SLC1A3: variants seen among roughly 807,000 people sequenced by gnomAD.
The protein encoded by SLC1A3 is excitatory amino acid transporter 1.
A neutral mutation model predicts 48.1 loss-of-function variants in SLC1A3; 21 were observed. The observed-to-expected ratio is 0.44, with a 90% confidence interval of 0.31 to 0.63. The LOEUF is 0.63. Among genes scored for constraint, SLC1A3 ranks in the 20% least tolerant of loss-of-function variants. The probability of loss-of-function intolerance (pLI) is 0.08; values close to 1 mark genes in which losing one functional copy is unlikely to be tolerated. For synonymous variants in SLC1A3, 239 were observed against 251.4 expected, an observed-to-expected ratio of 0.95 and a Z score of 0.47; for missense variants, 546 against 689.0, an observed-to-expected ratio of 0.79 and a Z score of 2.32.
intron 3 of SLC1A3, chr5:36,669,107 G>A (rs1466514826): frequency 2.0e-5 from 3 of 152,320 alleles, no homozygotes; most frequent in South Asian, 2.1e-4. Context: ...GGCGTATTGT[G>A]CTTACACTAC....
At chr5:36,676,451 A>G (rs531891471) in intron 5 of SLC1A3, among the ~76,000 whole-genome samples, 112 of 152,340 alleles carry the variant, frequency 7.4e-4, no homozygotes, top group African/African-American at 2.5e-3. Flanking sequence ...TGATTTATCT[A>G]TTATACCATA....
At chr5:36,632,945 C>G (rs1035179434) in intron 3 of SLC1A3, among the ~76,000 whole-genome samples, 1 of 152,276 alleles carries the variant, frequency 6.6e-6, no homozygotes, top group South Asian at 2.1e-4. Flanking sequence ...CAGAAAGAAG[C>G]TGGGAGGAAG....
chr5:36,684,063 C>T (rs987124711), intron 9 of SLC1A3, 65 bp downstream of exon 9: 4 of 1,594,932 alleles, frequency 2.5e-6, no homozygotes, highest in Non-Finnish European at 3.4e-6. Flanking sequence ...CTCTAGGGCA[C>T]CAGGCAGCCT....
chr5:36,644,063 A>T (rs1740740046), intron 3 of SLC1A3, among the ~76,000 whole-genome samples: 1 of 151,288 alleles, frequency 6.6e-6, no homozygotes. Context: ...ATAAATTGCA[A>T]TGTGAATAAT....
At chr5:36,632,817 C>T (rs1252887676) in intron 3 of SLC1A3, among the ~76,000 whole-genome samples, 2 of 152,172 alleles carry the variant, frequency 1.3e-5, no homozygotes, top group Non-Finnish European at 2.9e-5. Context: ...TTACTTGAAA[C>T]ATCCGTGTTT....
At chr5:36,647,375 A>T (rs1251849903) in intron 3 of SLC1A3, among the ~76,000 whole-genome samples, 1 of 152,258 alleles carries the variant, frequency 6.6e-6, no homozygotes, top group Non-Finnish European at 1.5e-5. Context: ...AGGCAAAATT[A>T]TCTGCCATGA....
intron 2 of SLC1A3, among the ~76,000 whole-genome samples, chr5:36,622,508 T>C (rs559037078): frequency 4.6e-5 from 7 of 152,298 alleles, no homozygotes; most frequent in African/African-American, 1.2e-4. Flanking sequence ...CCTCATTCTT[T>C]TACTCTTAAA....
chr5:36,669,701 A>G (rs1741906471), intron 3 of SLC1A3: 1 of 152,214 alleles, frequency 6.6e-6, no homozygotes, highest in Admixed American at 6.5e-5. Context: ...TCATGGCTTC[A>G]ATTTCCACTT....
At chr5:36,618,014 G>A (rs1448544135) in intron 2 of SLC1A3, among the ~76,000 whole-genome samples, 3 of 152,126 alleles carry the variant, frequency 2.0e-5, no homozygotes, top group South Asian at 4.1e-4. Flanking sequence ...AGTTAGCCTC[G>A]GTACTGTACT....
intron 4 of SLC1A3, among the ~76,000 whole-genome samples, chr5:36,672,041 A>G (rs1742017757): frequency 6.6e-6 from 1 of 152,300 alleles, no homozygotes; most frequent in South Asian, 2.1e-4. Flanking sequence ...AAAGGAACCT[A>G]CAAACGATGG....
intron 1 of SLC1A3, among the ~76,000 whole-genome samples, chr5:36,600,037 G>T (rs1389032754): frequency 6.6e-6 from 1 of 152,024 alleles, no homozygotes; most frequent in Non-Finnish European, 1.5e-5. Flanking sequence ...CATGCTTTTC[G>T]TTTTTCCCCC....
intron 5 of SLC1A3, among the ~76,000 whole-genome samples, chr5:36,675,252 T>TA (rs3216691): frequency 0.49 from 73,863 of 149,438 alleles, 18,530 homozygotes; most frequent in Middle Eastern, 0.62. Context: ...ATTCTTTCTT[T>TA]AAAAAAAAAA....
At chr5:36,652,150 C>T (rs751537521) in intron 3 of SLC1A3, among the ~76,000 whole-genome samples, 1 of 152,172 alleles carries the variant, frequency 6.6e-6, no homozygotes, top group Non-Finnish European at 1.5e-5. Flanking sequence ...AAAGCCATGG[C>T]ATGCAATTCT....
At chr5:36,667,551 C>T (rs910198563) in intron 3 of SLC1A3, among the ~76,000 whole-genome samples, 1 of 152,168 alleles carries the variant, frequency 6.6e-6, no homozygotes, top group Non-Finnish European at 1.5e-5. Context: ...CTGTGCAATG[C>T]CGGGCAAGTT....
At chr5:36,624,480 T>G (rs1739822288) in intron 2 of SLC1A3, among the ~76,000 whole-genome samples, 1 of 152,140 alleles carries the variant, frequency 6.6e-6, no homozygotes, top group Admixed American at 6.5e-5. Flanking sequence ...CTGCCAGCTG[T>G]GTGGTTTTGG....
At chr5:36,609,119 T>C (rs966919626) in intron 2 of SLC1A3, 4 of 985,984 alleles carry the variant, frequency 4.1e-6, no homozygotes, top group Non-Finnish European at 4.8e-6. Context: ...ACCCAGCAAC[T>C]GGGAAAGGTA....
intron 3 of SLC1A3, among the ~76,000 whole-genome samples, chr5:36,633,963 C>G (rs1410896249): frequency 6.6e-6 from 1 of 152,130 alleles, no homozygotes; most frequent in Non-Finnish European, 1.5e-5. Context: ...GCCTGAGACC[C>G]GACTCCCCCG....
At chr5:36,666,550 C>T (rs556833942) in intron 3 of SLC1A3, 1 of 152,174 alleles carries the variant, frequency 6.6e-6, no homozygotes. Flanking sequence ...GACTACTTCT[C>T]TAGATTTTGT....
chr5:36,680,329 C>G, intron 7 of SLC1A3, 66 bp from the exon 8 acceptor site: 1 of 1,374,008 alleles, frequency 7.3e-7, no homozygotes. Context: ...GTCCCAAAGA[C>G]CAAACGCACA....
Sources: gnomAD v4.1 joint callset for allele counts (sites outside exome capture counted in the v4.1 genomes callset) on GRCh38, gnomAD v4.1.1 for gene constraint, MANE v1.5 for transcripts, NCBI Gene and HGNC (gene_info 2026-07-23, HGNC 2026-07-21) for gene names.